Variants in CLEC6A observed in about 807,000 individuals in gnomAD.
CLEC6A encodes C-type lectin domain containing 6A.
A neutral mutation model predicts 25.7 loss-of-function variants in CLEC6A; 22 were observed. That is an observed-to-expected ratio of 0.85 (90% CI 0.61 to 1.22). CLEC6A has a LOEUF of 1.22. CLEC6A is among the 50% of genes most tolerant of loss of function. The probability of loss-of-function intolerance (pLI) is 0.00; values close to 1 mark genes in which losing one functional copy is unlikely to be tolerated. For synonymous variants in CLEC6A, 92 were observed against 76.7 expected, an observed-to-expected ratio of 1.20 and a Z score of -1.04; for missense variants, 240 against 236.8, an observed-to-expected ratio of 1.01 and a Z score of -0.09.
rs146854197 is a variant in CLEC6A at position 8,456,403 on chromosome 12, A to T, written c.31+261A>T. 5.3e-3 allele frequency among the ~76,000 whole-genome samples: 805 copies of T among 152,334 alleles called. 7 individuals carry two copies. The highest frequency in any genetic ancestry group is 0.018 in the African/African-American group (768 of 41,572). On this transcript the variant is annotated intron_variant, in intron 1 of 5. Coordinates refer to ENST00000382073, the MANE Select transcript of CLEC6A (RefSeq NM_001007033.2). ...GAGACAGAAAAGATTTACATGATAG[A>T]AGGTAAACAGGGAAATAACTGATTA...
Position 8,459,741 on chromosome 12 carries a change from G to A in CLEC6A, c.223+43G>A, listed in dbSNP as rs532208747. 1.0e-3 allele frequency: 1,263 copies of A among 1,203,676 alleles called. 6 individuals are homozygous for A. The highest frequency in any genetic ancestry group is 2.1e-3 in the South Asian group (177 of 82,908). 74.6% of individuals were successfully genotyped at this position (1,203,676 alleles called of 1,614,324 possible). A position where few individuals can be genotyped will look rare whatever the true frequency, so the allele number is the denominator to read the frequency against. ...TGAAATAGACTTTCTTTTTTCTCAG[G>A]GAGAGATCAGGGTTGAGCTCAAGAT... On this transcript the variant is annotated intron_variant, in intron 3 of 5. Transcript: ENST00000382073.
At chr12:8,459,464 G>A in intron 2 of CLEC6A, 133 bp from the exon 3 acceptor site, 2 of 574,790 alleles carry the variant, frequency 3.5e-6, no homozygotes, top group Admixed American at 2.6e-5. Context: ...TAATAATTTG[G>A]CATGGTTTTT....
In CLEC6A at chr12:8,461,053, C is replaced by T. The variant is rs910668225; in HGVS notation, c.223+1355C>T. ...ATTCTATAAAGCTATCAGAAGAAATCCTGACACCCAGTGGATCACCAAACC... is the reference window on the plus strand; with the variant it reads ...ATTCTATAAAGCTATCAGAAGAAATTCTGACACCCAGTGGATCACCAAACC... On this transcript the variant is annotated intron_variant, in intron 3 of 5. Transcript: ENST00000382073. The T allele has an allele frequency of 1.3e-5, 21 of 1,593,330 alleles. No individual in the cohort carries two copies. In the African/African-American group the frequency reaches 1.6e-4, roughly 12 times the overall value.
intron 3 of CLEC6A, among the ~76,000 whole-genome samples, chr12:8,463,450 C>T (rs944315062): frequency 6.6e-6 from 1 of 152,142 alleles, no homozygotes; most frequent in Admixed American, 6.5e-5. Flanking sequence ...AATTTAATGA[C>T]ATTAACTGAA....
At chr12:8,476,045 T>C (rs1400974957) in intron 4 of CLEC6A, 80 bp from the exon 5 acceptor site, 1 of 830,802 alleles carries the variant, frequency 1.2e-6, no homozygotes, top group African/African-American at 1.7e-5. Context: ...AAAGAATAGC[T>C]CTGAAGGCTA....
At chr12:8,458,704 G>A (rs1319204405) in intron 2 of CLEC6A, among the ~76,000 whole-genome samples, 1 of 152,132 alleles carries the variant, frequency 6.6e-6, no homozygotes, top group Non-Finnish European at 1.5e-5. Flanking sequence ...TATCACCAAA[G>A]TTAGAATCTG....
At chr12:8,466,624 T>C (rs1310036523) in intron 4 of CLEC6A, among the ~76,000 whole-genome samples, 1 of 151,850 alleles carries the variant, frequency 6.6e-6, no homozygotes, top group East Asian at 1.9e-4. Flanking sequence ...TGATTTGTAT[T>C]CCTTTAATGA....
At chr12:8,471,329 C>T (rs764220060) in intron 4 of CLEC6A, among the ~76,000 whole-genome samples, 8 of 152,098 alleles carry the variant, frequency 5.3e-5, no homozygotes, top group East Asian at 1.9e-4. Context: ...TCCTCCTCTT[C>T]GATTTTTTGA....
chr12:8,477,562 T>C lies in CLEC6A; in HGVS notation c.*98T>C. ...CTATCATGAAATGATAATTTCTTCCTGAATTTACACATAATCCTTATGTTA... is the reference window on the plus strand; with the variant it reads ...CTATCATGAAATGATAATTTCTTCCCGAATTTACACATAATCCTTATGTTA... On this transcript the variant is annotated 3_prime_UTR_variant, in exon 6 of 6. Transcript: ENST00000382073. The C allele has an allele frequency of 1.1e-6, 1 of 911,510 alleles. No individual in the cohort carries two copies. Among genetic ancestry groups the C allele is most frequent in the Non-Finnish European group, 1.6e-6 (1 of 615,634 alleles). 56.5% of individuals were successfully genotyped at this position (911,510 alleles called of 1,614,324 possible).
chr12:8,464,661 A>C (rs1390807868), intron 3 of CLEC6A, among the ~76,000 whole-genome samples: 2 of 152,146 alleles, frequency 1.3e-5, no homozygotes, highest in Non-Finnish European at 2.9e-5. Flanking sequence ...AAATCTAAAC[A>C]ATTTACTATT....
At chr12:8,460,195 A>T (rs10770737) in intron 3 of CLEC6A, among the ~76,000 whole-genome samples, 112,242 of 152,104 alleles carry the variant, frequency 0.74, 42,118 homozygotes, top group East Asian at 0.99. Flanking sequence ...TTGGTGTATT[A>T]GTCAGTTTTC....
chr12:8,474,505 A>G (rs1240094835), intron 4 of CLEC6A, among the ~76,000 whole-genome samples: 3 of 152,168 alleles, frequency 2.0e-5, no homozygotes, highest in Non-Finnish European at 2.9e-5. Context: ...GGGTAATGTG[A>G]TGTGTCTGGC....
At chr12:8,474,946 C>T (rs1329326831) in intron 4 of CLEC6A, among the ~76,000 whole-genome samples, 1 of 151,992 alleles carries the variant, frequency 6.6e-6, no homozygotes, top group East Asian at 1.9e-4. Flanking sequence ...AGGTTTGTTA[C>T]ATAGGTATAC....
chr12:8,460,671 C>T lies in CLEC6A; in HGVS notation c.223+973C>T. ...TATGGAGAAAGAAGCAGTCTGATGTCATGAGCTTTCTTCTGAGGGTCCGCT... is the reference window on the plus strand; with the variant it reads ...TATGGAGAAAGAAGCAGTCTGATGTTATGAGCTTTCTTCTGAGGGTCCGCT... On this transcript the variant is annotated intron_variant, in intron 3 of 5. Transcript: ENST00000382073. 3.3e-6 allele frequency: 5 copies of T among 1,495,892 alleles called. No individual in the cohort carries two copies. In the Admixed American group the frequency reaches 6.7e-5, roughly 20 times the overall value. The allele number at this position is 1,495,892 out of a possible 1,614,324, so 92.7% of individuals were successfully genotyped here.
At chr12:8,470,921 A>G (rs2136364293) in intron 4 of CLEC6A, among the ~76,000 whole-genome samples, 1 of 152,252 alleles carries the variant, frequency 6.6e-6, no homozygotes, top group South Asian at 2.1e-4. Context: ...GTATGATGTT[A>G]GTCATGGGAT....
chr12:8,475,773 T>C (rs189058794), intron 4 of CLEC6A, among the ~76,000 whole-genome samples: 6 of 152,184 alleles, frequency 3.9e-5, no homozygotes, highest in Non-Finnish European at 5.9e-5. Context: ...TGGTCACCCC[T>C]TGGCCCAGTC....
intron 5 of CLEC6A, among the ~76,000 whole-genome samples, 192 bp downstream of exon 5, chr12:8,476,432 A>AT (rs1939975182): frequency 6.6e-6 from 1 of 152,162 alleles, no homozygotes; most frequent in Non-Finnish European, 1.5e-5. Flanking sequence ...CAGATAAAAA[A>AT]TTAAATAACT....
chr12:8,456,493 A>G (rs987059356), intron 1 of CLEC6A, among the ~76,000 whole-genome samples: 1 of 152,208 alleles, frequency 6.6e-6, no homozygotes, highest in Admixed American at 6.5e-5. Context: ...ACTCTTTCCA[A>G]TTACCCTAAG....
At chr12:8,458,991 C>G (rs996451730) in intron 2 of CLEC6A, among the ~76,000 whole-genome samples, 1 of 151,944 alleles carries the variant, frequency 6.6e-6, no homozygotes, top group African/African-American at 2.4e-5. Context: ...TAAAGTTTCC[C>G]CTTGGTGGTT....
Sources: gnomAD v4.1 joint callset for allele counts (sites outside exome capture counted in the v4.1 genomes callset) on GRCh38, gnomAD v4.1.1 for gene constraint, MANE v1.5 for transcripts, NCBI Gene and HGNC (gene_info 2026-07-23, HGNC 2026-07-21) for gene names.